RAD51: variants seen among roughly 807,000 people sequenced by gnomAD.
RAD51 encodes the protein DNA repair protein RAD51 homolog 1.
In RAD51, 14 loss-of-function variants were observed where a neutral mutation model predicts 41.5. The observed-to-expected ratio is 0.34, with a 90% confidence interval of 0.22 to 0.53. The LOEUF is 0.53. Ranked by LOEUF, RAD51 falls within the 20% of genes least tolerant of loss-of-function variation. The probability of loss-of-function intolerance (pLI) is 0.95; values close to 1 mark genes in which losing one functional copy is unlikely to be tolerated. For synonymous variants in RAD51, 136 were observed against 148.6 expected, an observed-to-expected ratio of 0.92 and a Z score of 0.62; for missense variants, 234 against 422.0, an observed-to-expected ratio of 0.55 and a Z score of 3.90.
At chr15:40,719,756 C>T (rs1396605109) in intron 6 of RAD51, among the ~76,000 whole-genome samples, 5 of 151,710 alleles carry the variant, frequency 3.3e-5, no homozygotes, top group East Asian at 1.9e-4. Context: ...GGCCTGAACC[C>T]GGGAGGCGGA....
intron 3 of RAD51, among the ~76,000 whole-genome samples, chr15:40,705,934 T>G (rs1349517531): frequency 6.6e-6 from 1 of 152,192 alleles, no homozygotes; most frequent in Non-Finnish European, 1.5e-5. Context: ...AAAACTATAT[T>G]AATATATTAA....
At chr15:40,713,332 T>C (rs59244061) in intron 5 of RAD51, among the ~76,000 whole-genome samples, 96,948 of 148,932 alleles carry the variant, frequency 0.65, 32,087 homozygotes, top group East Asian at 0.92. Flanking sequence ...GCAACCTCCA[T>C]CTCCTGGGTT....
chr15:40,703,195 C>T (rs1895110033), intron 3 of RAD51, among the ~76,000 whole-genome samples: 2 of 152,114 alleles, frequency 1.3e-5, no homozygotes, highest in African/African-American at 2.4e-5. Flanking sequence ...TCTCCATATC[C>T]TTCAGAGTCC....
Position 40,731,168 on chromosome 15 carries a change from C to T in RAD51, c.1010C>T (p.Ala337Val). The change falls in exon 10 of 10, where the codon GCC (alanine) becomes GTC (valine). Residue 337 changes from alanine (A) to valine (V), a missense_variant. Around this residue, in one of 2 missense-constraint regions of RAD51, gnomAD observed 134 missense variants for 286.5 expected, o/e 0.47. Coordinates refer to ENST00000267868, the MANE Select transcript of RAD51 (RefSeq NM_002875.5). ...ATTAATGCAGATGGAGTGGGAGATG[C>T]CAAAGACTGAATCATTGGGTTTTTC... The part of the protein sequence containing the change: ...FAINADGVGD[A>V]KD 1 of 1,614,020 alleles carries T rather than the reference C, an allele frequency of 6.2e-7. No individual in the cohort carries two copies. The highest frequency in any genetic ancestry group is 8.5e-7 in the Non-Finnish European group (1 of 1,179,976).
intron 6 of RAD51, 91 bp downstream of exon 6, chr15:40,718,990 A>C: frequency 8.5e-7 from 1 of 1,174,790 alleles, no homozygotes; most frequent in South Asian, 1.2e-5. Flanking sequence ...TGTCTCTTCT[A>C]TAACCCCACG....
upstream of RAD51, chr15:40,694,858 C>A (rs897218232): frequency 3.3e-5 from 5 of 152,180 alleles, no homozygotes; most frequent in African/African-American, 9.7e-5. Flanking sequence ...AATCCCTCGC[C>A]CCACCCGCGA....
At chr15:40,725,019 C>T (rs1447231422) in intron 6 of RAD51, among the ~76,000 whole-genome samples, 2 of 151,224 alleles carry the variant, frequency 1.3e-5, no homozygotes, top group East Asian at 1.9e-4. Context: ...CCTGCCTCAG[C>T]CTCCCCAGTA....
intron 1 of RAD51, among the ~76,000 whole-genome samples, chr15:40,697,419 A>T (rs1199096483): frequency 3.3e-5 from 5 of 151,918 alleles, no homozygotes; most frequent in African/African-American, 1.2e-4. Context: ...GCTGAATTTA[A>T]ATGTAGTTCA....
intron 4 of RAD51, among the ~76,000 whole-genome samples, chr15:40,707,150 ATTTTTTTTT>A (rs751900607): frequency 0.026 from 2,455 of 93,600 alleles, 102 homozygotes; most frequent in African/African-American, 0.098. Context: ...CACCTGGCTA[ATTTTTTTTT>A]TTTTTTTTTT....
At chr15:40,727,411 C>T (rs952030762) in intron 6 of RAD51, among the ~76,000 whole-genome samples, 5 of 152,044 alleles carry the variant, frequency 3.3e-5, no homozygotes, top group African/African-American at 7.2e-5. Flanking sequence ...CGGTTTCAAG[C>T]GATTCTCCTG....
Position 40,731,207 on chromosome 15 carries a change from C to CT in RAD51, c.*31dup. ...ATTGGGTTTTTCCTCTGTTAAAAAC[C>CT]TTAAGTGCTGCAGCCTAATGAGAGT... On this transcript the variant is annotated 3_prime_UTR_variant, in exon 10 of 10. Coordinates refer to ENST00000267868, the MANE Select transcript of RAD51 (RefSeq NM_002875.5). 1 of 1,613,682 alleles carries CT rather than the reference C, an allele frequency of 6.2e-7. No individual in the cohort carries two copies. Among genetic ancestry groups the CT allele is most frequent in the Non-Finnish European group, 8.5e-7 (1 of 1,179,772 alleles).
chr15:40,698,196 GT>G (rs554059347), intron 1 of RAD51, among the ~76,000 whole-genome samples: 7 of 128,364 alleles, frequency 5.5e-5, no homozygotes, highest in Admixed American at 1.6e-4. Context: ...TTTTTTTTTT[GT>G]TTTTTTTTTT....
chr15:40,724,889 ATTT>A lies in RAD51; in HGVS notation c.531-3803_531-3801del, dbSNP rs34086110. On this transcript the variant is annotated intron_variant, in intron 6 of 9. Transcript: ENST00000267868. ...TTTTAATTTTTTTTAATTTTTTTTAATTTTTTTTTTTTTTTTTTTTTGAGACAG... is the reference window on the plus strand; with the variant it reads ...TTTTAATTTTTTTTAATTTTTTTTAATTTTTTTTTTTTTTTTTTGAGACAG... Among the ~76,000 whole-genome samples, 314 of 55,370 alleles carry A rather than the reference ATTT, an allele frequency of 5.7e-3. 5 individuals are homozygous for A. Among genetic ancestry groups the A allele is most frequent in the African/African-American group, 0.025 (300 of 11,886 alleles). The allele number at this position is 55,370 out of a possible 152,430, so 36.3% of individuals were successfully genotyped here.
intron 6 of RAD51, among the ~76,000 whole-genome samples, chr15:40,719,573 C>T (rs909856426): frequency 6.6e-6 from 1 of 152,190 alleles, no homozygotes; most frequent in Non-Finnish European, 1.5e-5. Flanking sequence ...TGGCTCACGC[C>T]TGTAATCCCA....
At chr15:40,720,630 A>T (rs1230643571) in intron 6 of RAD51, among the ~76,000 whole-genome samples, 1 of 152,236 alleles carries the variant, frequency 6.6e-6, no homozygotes, top group Non-Finnish European at 1.5e-5. Context: ...ACTGTTCAGC[A>T]AAGTTGCAGA....
chr15:40,699,650 C>T (rs570170498), intron 2 of RAD51, among the ~76,000 whole-genome samples: 1 of 152,280 alleles, frequency 6.6e-6, no homozygotes, highest in Non-Finnish European at 1.5e-5. Flanking sequence ...GCGGCCTGGA[C>T]CAGTTATGCA....
intron 2 of RAD51, among the ~76,000 whole-genome samples, chr15:40,699,614 A>T (rs375314115): frequency 6.6e-6 from 1 of 152,236 alleles, no homozygotes; most frequent in Non-Finnish European, 1.5e-5. Flanking sequence ...TGCACTAAGT[A>T]TGAAAGTGCT....
chr15:40,722,413 C>T (rs1234337628), intron 6 of RAD51, among the ~76,000 whole-genome samples: 6 of 139,844 alleles, frequency 4.3e-5, no homozygotes, highest in African/African-American at 1.4e-4. Context: ...AACTCTGGCT[C>T]GGGGAAAAAA....
chr15:40,728,228 C>G (rs940115887), intron 6 of RAD51, among the ~76,000 whole-genome samples: 3 of 152,050 alleles, frequency 2.0e-5, no homozygotes, highest in Non-Finnish European at 2.9e-5. Flanking sequence ...TTTTGGGAGG[C>G]CAAGGTGGGC....
Sources: gnomAD v4.1 joint callset for allele counts (sites outside exome capture counted in the v4.1 genomes callset) on GRCh38, gnomAD v4.1.1 for gene constraint, gnomAD v4.1.1 regional missense constraint, MANE v1.5 for transcripts, NCBI Gene and HGNC (gene_info 2026-07-23, HGNC 2026-07-21) for gene names.